FRAS1: variants seen among roughly 807,000 people sequenced by gnomAD.
FRAS1 encodes the protein extracellular matrix organizing protein FRAS1.
In FRAS1, 290 loss-of-function variants were observed where a neutral mutation model predicts 435.2. The observed-to-expected ratio is 0.67, with a 90% CI of 0.61 to 0.73. FRAS1 has a LOEUF of 0.73. Ranked by LOEUF, FRAS1 falls within the 30% of genes least tolerant of loss-of-function variation. The probability of loss-of-function intolerance (pLI) is 0.00; values close to 1 mark genes in which losing one functional copy is unlikely to be tolerated. For missense variants in FRAS1, 4,860 were observed against 5,001.5 expected (o/e 0.97, Z 0.85); for synonymous variants, 1,800 against 1,851.0 (o/e 0.97, Z 0.71).
intron 35 of FRAS1, among the ~76,000 whole-genome samples, chr4:78,428,848 T>A (rs891716803): frequency 5.3e-5 from 8 of 152,180 alleles, no homozygotes; most frequent in Non-Finnish European, 1.2e-4. Context: ...AGAATGATTT[T>A]GTTATTATGG....
intron 2 of FRAS1, among the ~76,000 whole-genome samples, chr4:78,114,775 C>G (rs963940694): frequency 4.6e-5 from 7 of 152,350 alleles, no homozygotes; most frequent in East Asian, 1.9e-4. Context: ...CATCTGCAAA[C>G]AGGGACAATG....
chr4:78,181,037 C>T (rs1721977289), intron 2 of FRAS1: 7 of 1,583,576 alleles, frequency 4.4e-6, no homozygotes, highest in South Asian at 2.2e-5. Context: ...CCAGCTGAGA[C>T]GTTATATCAT....
intron 64 of FRAS1, 28 bp from the exon 65 acceptor site, chr4:78,513,364 A>G (rs769570520): frequency 6.2e-7 from 1 of 1,612,034 alleles, no homozygotes; most frequent in Admixed American, 1.7e-5. Context: ...AGTCAGCTAA[A>G]CATTTATTTC....
At position 78,057,728 on chromosome 4, in the gene FRAS1, C is replaced by A; in HGVS notation, c.-282C>A. On this transcript the variant is annotated 5_prime_UTR_variant, in exon 1 of 74. Transcript: ENST00000512123. This position sits in a 1 kb window ranked among gnomAD's most constrained non-coding sequence, Gnocchi z 4.2. Reference sequence around the variant, plus strand: ...TTTGACGCGGAGAACTGTGCTCTGCCTCCTCTTATTCTCCCAAAGCTCACG... The same window carrying A: ...TTTGACGCGGAGAACTGTGCTCTGCATCCTCTTATTCTCCCAAAGCTCACG... 1.9e-6 allele frequency: 1 copy of A among 513,912 alleles called. No individual in the cohort carries two copies. The highest frequency in any genetic ancestry group is 3.5e-6 in the Non-Finnish European group (1 of 288,676). The allele number at this position is 513,912 out of a possible 1,614,324, so 31.8% of individuals were successfully genotyped here.
intron 2 of FRAS1, among the ~76,000 whole-genome samples, chr4:78,094,357 A>G (rs905996809): frequency 6.6e-5 from 10 of 152,170 alleles, no homozygotes; most frequent in East Asian, 3.9e-4. Context: ...GGCAAACTGA[A>G]TTAAAGTCAC....
intron 2 of FRAS1, among the ~76,000 whole-genome samples, chr4:78,118,608 C>G (rs544648950): frequency 6.6e-6 from 1 of 152,190 alleles, no homozygotes. Flanking sequence ...GGGCATAGGA[C>G]CCTCAGATCC....
chr4:78,096,022 G>A (rs1386553355), intron 2 of FRAS1, among the ~76,000 whole-genome samples: 1 of 152,188 alleles, frequency 6.6e-6, no homozygotes, highest in African/African-American at 2.4e-5. Flanking sequence ...TTCCGCCTAT[G>A]AGCCTGTAAA....
intron 29 of FRAS1, among the ~76,000 whole-genome samples, chr4:78,388,896 A>G (rs1016071825): frequency 2.6e-5 from 4 of 152,316 alleles, no homozygotes; most frequent in African/African-American, 9.6e-5. Context: ...AAGCACCTGT[A>G]CTATTATTTA....
intron 18 of FRAS1, among the ~76,000 whole-genome samples, chr4:78,322,460 T>C (rs1402993596): frequency 2.0e-5 from 3 of 152,206 alleles, no homozygotes; most frequent in Non-Finnish European, 2.9e-5. Flanking sequence ...ATGCTTTCTG[T>C]AAGGAAGAGA....
rs2109898572 is a variant in FRAS1, at chr4:78,526,566, A to G, written c.10834A>G (p.Ile3612Val). Reference protein sequence around the residue: ...NRKDYSGEYTIYLIPCTVQPT... With the variant: ...NRKDYSGEYTVYLIPCTVQPT... ...GAAGGACTACTCAGGAGAGTACACCATCTACCTGATCCCTTGCACAGTGCA... is the reference window on the plus strand; with the variant it reads ...GAAGGACTACTCAGGAGAGTACACCGTCTACCTGATCCCTTGCACAGTGCA... The change falls in exon 70 of 74, where the codon ATC (isoleucine) becomes GTC (valine). Residue 3612 changes from isoleucine to valine, a missense_variant. Ile to Val is a conservative substitution (Grantham distance 29). Transcript: ENST00000512123. 6.2e-7 allele frequency: 1 copy of G among 1,600,080 alleles called. No individual in the cohort carries two copies. Among genetic ancestry groups the G allele is most frequent in the Non-Finnish European group, 8.5e-7 (1 of 1,173,478 alleles).
At chr4:78,180,637 C>T (rs540137059) in intron 2 of FRAS1, among the ~76,000 whole-genome samples, 57 of 152,280 alleles carry the variant, frequency 3.7e-4, no homozygotes, top group African/African-American at 1.3e-3. Flanking sequence ...ATTATGAAAA[C>T]ATCCCTGCTA....
intron 61 of FRAS1, among the ~76,000 whole-genome samples, chr4:78,500,592 G>A (rs533192418): frequency 5.3e-5 from 8 of 152,292 alleles, no homozygotes; most frequent in East Asian, 1.9e-4. Flanking sequence ...CATTTGCGAC[G>A]TAGCCAGAGG....
chr4:78,153,988 A>T (rs562354283), intron 2 of FRAS1, among the ~76,000 whole-genome samples: 1 of 152,220 alleles, frequency 6.6e-6, no homozygotes, highest in South Asian at 2.1e-4. Context: ...TTTGTTCAGC[A>T]GAATTTTTTT....
At chr4:78,101,899 C>G (rs1742150465) in intron 2 of FRAS1, among the ~76,000 whole-genome samples, 1 of 152,120 alleles carries the variant, frequency 6.6e-6, no homozygotes, top group African/African-American at 2.4e-5. Context: ...GGTTTTCATT[C>G]CGCTCGTGTC....
At chr4:78,177,093 T>G (rs1370409909) in intron 2 of FRAS1, among the ~76,000 whole-genome samples, 5 of 151,248 alleles carry the variant, frequency 3.3e-5, no homozygotes, top group African/African-American at 1.2e-4. Flanking sequence ...GTGAGTTTTT[T>G]TTTTTTTTTT....
At chr4:78,517,602 C>G (rs1230357063) in intron 66 of FRAS1, among the ~76,000 whole-genome samples, 1 of 152,142 alleles carries the variant, frequency 6.6e-6, no homozygotes, top group African/African-American at 2.4e-5. Context: ...TAGTTGGTAC[C>G]TTTTGCTGTC....
intron 18 of FRAS1, among the ~76,000 whole-genome samples, chr4:78,321,961 C>T (rs1020139538): frequency 2.6e-5 from 4 of 151,940 alleles, no homozygotes; most frequent in East Asian, 1.9e-4. Context: ...TGCTCGTTAA[C>T]ATAATATTAT....
At chr4:78,482,307 G>A in intron 57 of FRAS1, 81 bp from the exon 58 acceptor site, 1 of 1,502,398 alleles carries the variant, frequency 6.7e-7, no homozygotes, top group Non-Finnish European at 9.2e-7. Context: ...AGACAGGCAA[G>A]TTGTGACCTT....
rs749650059 is a variant in FRAS1 at position 78,466,274 on chromosome 4, G to A, written c.7096G>A (p.Gly2366Arg). The A allele has an allele frequency of 6.8e-6, 11 of 1,613,758 alleles. No homozygotes were observed. Among genetic ancestry groups the A allele is most frequent in the African/African-American group, 1.3e-5 (1 of 74,920 alleles). Residue 2366 changes from glycine to arginine, a missense_variant, in exon 50 of 74, where the codon GGG becomes AGG. Gly to Arg is a moderately radical substitution (Grantham distance 125). Transcript: ENST00000512123. ...TGGCACCATCGAGCGAACCAGCAAT[G>A]GGCAGCATTTCCACCTCACCTCCAC... is the stretch of plus-strand genomic sequence containing the variant. ...RHGTIERTSN[G>R]QHFHLTSTFT...
Sources: allele counts gnomAD v4.1 joint callset (sites outside exome capture counted in the v4.1 genomes callset), GRCh38; gene constraint gnomAD v4.1.1; non-coding constraint Gnocchi (gnomAD v3.1); transcripts MANE v1.5; gene names NCBI Gene and HGNC (gene_info 2026-07-23, HGNC 2026-07-21).